CSTPP1: variants seen among roughly 807,000 people sequenced by gnomAD.
The protein encoded by CSTPP1 is centriolar satellite-associated tubulin polyglutamylase complex regulator 1, also known as UPF0705 protein C11orf49.
chr11:46,948,062 A>G, the CSTPP1 span: 1 of 456,290 alleles, frequency 2.2e-6, no homozygotes, highest in Non-Finnish European at 4.4e-6. Flanking sequence ...AATGTAAGAT[A>G]TATGAAAGGC....
At chr11:47,006,839 GCCTCGCCCT>G in the CSTPP1 span, among the ~76,000 whole-genome samples, 4 of 149,280 alleles carry the variant, frequency 2.7e-5, no homozygotes, top group Admixed American at 2.7e-4. Flanking sequence ...TGATCCTCCT[GCCTCGCCCT>G]CCCAAAGTGC....
the CSTPP1 span, among the ~76,000 whole-genome samples, chr11:47,121,223 T>A: frequency 6.6e-6 from 1 of 152,246 alleles, no homozygotes; most frequent in Non-Finnish European, 1.5e-5. Context: ...ATAGTTCTTT[T>A]TCCTCTCCTT....
chr11:47,060,397 C>A, the CSTPP1 span, among the ~76,000 whole-genome samples: 1 of 151,530 alleles, frequency 6.6e-6, no homozygotes, highest in Admixed American at 6.6e-5. Flanking sequence ...ACCACCACAC[C>A]CAGCTAATTT....
the CSTPP1 span, among the ~76,000 whole-genome samples, chr11:47,029,652 C>A: frequency 6.6e-6 from 1 of 151,392 alleles, no homozygotes. Flanking sequence ...TAATTTTTCC[C>A]AAGATGTTTT....
At chr11:47,141,404 T>G in the CSTPP1 span, among the ~76,000 whole-genome samples, 1 of 148,986 alleles carries the variant, frequency 6.7e-6, no homozygotes, top group South Asian at 2.1e-4. Context: ...GGAGGCTAAG[T>G]GGGGAGGATT....
At chr11:47,098,807 C>T in the CSTPP1 span, among the ~76,000 whole-genome samples, 1 of 152,162 alleles carries the variant, frequency 6.6e-6, no homozygotes, top group Non-Finnish European at 1.5e-5. Flanking sequence ...AGCCATTCTC[C>T]ATGACATGCT....
chr11:46,981,284 G>T, the CSTPP1 span, among the ~76,000 whole-genome samples: 1 of 151,264 alleles, frequency 6.6e-6, no homozygotes, highest in Non-Finnish European at 1.5e-5. Context: ...ATGCAGAAAG[G>T]ATATATCAGA....
At chr11:47,065,124 T>C in the CSTPP1 span, among the ~76,000 whole-genome samples, 1 of 152,186 alleles carries the variant, frequency 6.6e-6, no homozygotes, top group African/African-American at 2.4e-5. Context: ...CTTGGTCCTT[T>C]TAAAGATATT....
chr11:46,976,396 CACACACACACACACACACACACACACAGT>C, the CSTPP1 span, among the ~76,000 whole-genome samples: 1 of 11,598 alleles, frequency 8.6e-5, no homozygotes, highest in African/African-American at 4.6e-4. Context: ...GTTTCAGTCA[CACACACACACACACACACACACACACAGT>C]ACACACACAC....
chr11:46,979,145 A>G, the CSTPP1 span, among the ~76,000 whole-genome samples: 1 of 152,196 alleles, frequency 6.6e-6, no homozygotes, highest in African/African-American at 2.4e-5. Context: ...TTAAAGAGAC[A>G]GGAGTCCTAC....
At chr11:47,021,627 C>T in the CSTPP1 span, among the ~76,000 whole-genome samples, 2 of 151,942 alleles carry the variant, frequency 1.3e-5, no homozygotes, top group African/African-American at 4.8e-5. Flanking sequence ...TAGGGTTTTT[C>T]CCCCTCCTTC....
the CSTPP1 span, among the ~76,000 whole-genome samples, chr11:46,985,694 A>C: frequency 6.6e-6 from 1 of 152,226 alleles, no homozygotes; most frequent in Non-Finnish European, 1.5e-5. Flanking sequence ...TAATGCTTTG[A>C]GACAGGCTTT....
At chr11:47,102,204 A>G in the CSTPP1 span, among the ~76,000 whole-genome samples, 1 of 152,268 alleles carries the variant, frequency 6.6e-6, no homozygotes, top group African/African-American at 2.4e-5. Flanking sequence ...TATTCTGTGG[A>G]TAGATCAGGT....
the CSTPP1 span, among the ~76,000 whole-genome samples, chr11:46,966,910 C>T: frequency 4.6e-5 from 7 of 152,166 alleles, no homozygotes; most frequent in African/African-American, 1.7e-4. Flanking sequence ...TCTGGAGGCT[C>T]AGAAGTCCAA....
the CSTPP1 span, among the ~76,000 whole-genome samples, chr11:47,038,159 C>T: frequency 7.3e-5 from 6 of 82,024 alleles, 2 homozygotes; most frequent in Admixed American, 8.1e-4. Context: ...GGGGCGGACC[C>T]CCCCACCTCC....
chr11:47,048,601 C>T, the CSTPP1 span, among the ~76,000 whole-genome samples: 2 of 149,034 alleles, frequency 1.3e-5, no homozygotes, highest in Admixed American at 6.8e-5. Context: ...CATGATTCCA[C>T]TTATATGAGG....
At chr11:47,097,498 G>T in the CSTPP1 span, among the ~76,000 whole-genome samples, 1 of 54,660 alleles carries the variant, frequency 1.8e-5, no homozygotes, top group African/African-American at 7.5e-5. Flanking sequence ...CGTCCGGGAG[G>T]TGAGGGGCGC....
chr11:47,075,914 G>A, the CSTPP1 span, among the ~76,000 whole-genome samples: 2 of 112,840 alleles, frequency 1.8e-5, no homozygotes, highest in African/African-American at 7.1e-5. Flanking sequence ...GTGACAGAGC[G>A]AGATTCATTC....
At chr11:46,944,301 G>A in the CSTPP1 span, among the ~76,000 whole-genome samples, 1 of 141,852 alleles carries the variant, frequency 7.0e-6, no homozygotes. Context: ...CTGGGTGACA[G>A]AGTGAGACTG....
Sources: allele counts gnomAD v4.1 joint callset (sites outside exome capture counted in the v4.1 genomes callset), GRCh38; gene constraint gnomAD v4.1.1; transcripts MANE v1.5; gene names NCBI Gene and HGNC (gene_info 2026-07-23, HGNC 2026-07-21).